Variants in COPA observed in about 807,000 individuals in gnomAD.
COPA encodes coatomer subunit alpha.
A neutral mutation model predicts 158.7 loss-of-function variants in COPA; 10 were observed. The ratio of observed to expected loss-of-function variants is 0.06; its 90% CI spans 0.04 to 0.11. The LOEUF (loss-of-function observed/expected upper bound fraction) is 0.11. Ranked by LOEUF, COPA falls within the 10% of genes least tolerant of loss-of-function variation. The probability of loss-of-function intolerance (pLI) is 1.00; values close to 1 mark genes in which losing one functional copy is unlikely to be tolerated. For missense variants in COPA, 1,065 were observed against 1,536.7 expected (o/e 0.69, Z 5.13); for synonymous variants, 462 against 542.8 (o/e 0.85, Z 2.07).
Position 160,295,968 on chromosome 1 carries a change from C to T in COPA, c.2352+93G>A, listed in dbSNP as rs1198284332. 2.5e-6 allele frequency: 4 copies of T among 1,578,296 alleles called. No individual in the cohort carries two copies. In the African/African-American group the frequency reaches 5.4e-5, roughly 21 times the overall value. On this transcript the variant is annotated intron_variant, in intron 22 of 32. Coordinates refer to ENST00000241704, the MANE Select transcript of COPA (RefSeq NM_004371.4). ...TTTGTTTCTCTGCCTCTCCTGGTAA[C>T]CAGGTGGGAGAGTGACATTCATAAT...
intron 10 of COPA, 65 bp from the exon 11 acceptor site, chr1:160,312,083 A>G: frequency 1.3e-6 from 2 of 1,536,406 alleles, no homozygotes; most frequent in Non-Finnish European, 1.8e-6. Flanking sequence ...TGGAAATTGG[A>G]GATACGTAAG....
At chr1:160,334,741 T>C (rs1647682882) in intron 4 of COPA, among the ~76,000 whole-genome samples, 1 of 152,184 alleles carries the variant, frequency 6.6e-6, no homozygotes, top group South Asian at 2.1e-4. Context: ...CCTCACTATC[T>C]AAATCTACTA....
chr1:160,313,570 A>G (rs539392079), intron 9 of COPA, among the ~76,000 whole-genome samples: 164 of 151,934 alleles, frequency 1.1e-3, no homozygotes, highest in African/African-American at 3.6e-3. Flanking sequence ...GCCCGCCACC[A>G]CGCCCGGCTA....
intron 6 of COPA, among the ~76,000 whole-genome samples, chr1:160,332,060 C>T (rs948597703): frequency 1.3e-5 from 2 of 152,212 alleles, no homozygotes; most frequent in East Asian, 1.9e-4. Flanking sequence ...TTAAATAAAG[C>T]GATAGGGTCC....
At chr1:160,317,646 G>A (rs1659191140) in intron 8 of COPA, 2 of 1,526,942 alleles carry the variant, frequency 1.3e-6, no homozygotes, top group Admixed American at 1.7e-5. Context: ...AACTGGGAAT[G>A]GAGGAAGAAG....
chr1:160,315,880 G>A (rs1659115219), intron 8 of COPA, among the ~76,000 whole-genome samples: 1 of 152,182 alleles, frequency 6.6e-6, no homozygotes, highest in Non-Finnish European at 1.5e-5. Flanking sequence ...AGAGATGGCT[G>A]AAAAACAATT....
chr1:160,309,143 G>C lies in COPA; in HGVS notation c.1177C>G (p.Leu393Val), dbSNP rs1469662014. ...TCAGCATCTTTAGGGATGGTGTACAGGTCATAGGTACTATTCTCTAGATTG... is the reference window on the plus strand; with the variant it reads ...TCAGCATCTTTAGGGATGGTGTACACGTCATAGGTACTATTCTCTAGATTG... ...ASNLENSTYD[L>V]YTIPKDADSQ... The change falls in exon 13 of 33, where the codon CTG becomes GTG. Residue 393 changes from leucine (L) to valine (V), a missense_variant. Around this residue, in one of 2 missense-constraint regions of COPA, gnomAD observed 980 missense variants for 1,357.8 expected, o/e 0.72. Transcript: ENST00000241704. The C allele has an allele frequency of 2.5e-6, 4 of 1,613,674 alleles. No individual in the cohort carries two copies. In the African/African-American group the frequency reaches 5.3e-5, roughly 22 times the overall value.
At chr1:160,297,530 TC>T in intron 20 of COPA, 25 bp downstream of exon 20, 1 of 1,613,100 alleles carries the variant, frequency 6.2e-7, no homozygotes, top group Non-Finnish European at 8.5e-7. Flanking sequence ...GAACCCCTCT[TC>T]CCATCCTTAG....
At position 160,293,396 on chromosome 1, in the gene COPA, C is replaced by T. The variant is rs756554726; in HGVS notation, c.2744G>A (p.Ser915Asn). 6 of 1,613,346 alleles carry T rather than the reference C, an allele frequency of 3.7e-6. No homozygotes were observed. The East Asian group carries it at 1.1e-4, about 30-fold the overall frequency. Residue 915 changes from serine to asparagine, a missense_variant, in exon 26 of 33, where the codon AGT becomes AAT. Transcript: ENST00000241704. Reference sequence around the variant, plus strand: ...TTTCTTCCCGCTTACCTGAGTTGGACTTGTTCCCTTGGTTGGGGGCACAAA... The same window carrying T: ...TTTCTTCCCGCTTACCTGAGTTGGATTTGTTCCCTTGGTTGGGGGCACAAA... ...GFFVPPTKGT[S>N]PTQIWCNNSQ...
chr1:160,295,627 G>A, intron 23 of COPA, 109 bp downstream of exon 23: 1 of 1,099,606 alleles, frequency 9.1e-7, no homozygotes, highest in Non-Finnish European at 1.2e-6. Flanking sequence ...ATTCCATTAG[G>A]CTCCATGCAG....
chr1:160,321,888 A>G (rs1659339796), intron 8 of COPA, among the ~76,000 whole-genome samples: 1 of 152,190 alleles, frequency 6.6e-6, no homozygotes, highest in Non-Finnish European at 1.5e-5. Flanking sequence ...ATGCCCAGGA[A>G]TCACTCTAAC....
In COPA at chr1:160,297,550, C is replaced by T; in HGVS notation, c.2167+6G>A. On this transcript the variant is annotated splice_donor_region_variant and intron_variant, in intron 20 of 32. Transcript: ENST00000241704. The stretch of plus-strand genomic sequence containing the variant: ...CCTCTTCCCATCCTTAGTTTGAGGG[C>T]CTCACCAATCTTCATCATCTTGCGA... 1 of 1,613,420 alleles carries T rather than the reference C, an allele frequency of 6.2e-7. No homozygotes were observed. The highest frequency in any genetic ancestry group is 8.5e-7 in the Non-Finnish European group (1 of 1,179,516).
intron 3 of COPA, among the ~76,000 whole-genome samples, chr1:160,339,054 G>A (rs1423249930): frequency 7.6e-6 from 1 of 131,532 alleles, no homozygotes; most frequent in Non-Finnish European, 1.5e-5. Flanking sequence ...TCCTTTCCTA[G>A]TTAATGACAC....
intron 3 of COPA, among the ~76,000 whole-genome samples, chr1:160,337,078 A>T (rs1647803073): frequency 6.6e-6 from 1 of 152,228 alleles, no homozygotes. Flanking sequence ...TTTCACATAA[A>T]AATTAGACCA....
intron 4 of COPA, 120 bp downstream of exon 4, chr1:160,335,122 T>C (rs1309808293): frequency 8.9e-6 from 7 of 786,538 alleles, no homozygotes; most frequent in African/African-American, 7.1e-5. Context: ...CCACACAGAT[T>C]GTAGAAGAGC....
intron 8 of COPA, chr1:160,317,608 A>C: frequency 6.4e-7 from 1 of 1,558,042 alleles, no homozygotes; most frequent in Non-Finnish European, 8.8e-7. Context: ...TGAGGGTCAG[A>C]GAATTGCTGA....
At chr1:160,316,326 C>T in intron 8 of COPA, among the ~76,000 whole-genome samples, 1 of 151,212 alleles carries the variant, frequency 6.6e-6, no homozygotes, top group Non-Finnish European at 1.5e-5. Flanking sequence ...CCATTGCACT[C>T]CAGCCTGGGT....
chr1:160,321,760 C>G (rs1370601725), intron 8 of COPA, among the ~76,000 whole-genome samples: 1 of 152,082 alleles, frequency 6.6e-6, no homozygotes, highest in African/African-American at 2.4e-5. Context: ...TGTACTCCAG[C>G]CTGGGCAATA....
chr1:160,305,276 G>T, intron 17 of COPA, 157 bp downstream of exon 17: 1 of 618,078 alleles, frequency 1.6e-6, no homozygotes, highest in Non-Finnish European at 2.7e-6. Context: ...TTTTAAAAAA[G>T]TTGAAAAAAG....
Sources: gnomAD v4.1 joint callset for allele counts (sites outside exome capture counted in the v4.1 genomes callset) on GRCh38, gnomAD v4.1.1 for gene constraint, gnomAD v4.1.1 regional missense constraint, MANE v1.5 for transcripts, NCBI Gene and HGNC (gene_info 2026-07-23, HGNC 2026-07-21) for gene names.